Variants in CATSPERD observed in about 807,000 individuals in gnomAD.
The protein encoded by CATSPERD is cation channel sperm-associated auxiliary subunit delta.
CATSPERD carries 86 observed loss-of-function variants against 98.1 expected under a neutral mutation model. That is an observed-to-expected ratio of 0.88 (90% confidence interval 0.74 to 1.05). The LOEUF is 1.05. Ranked by LOEUF, CATSPERD falls within the 50% of genes least tolerant of loss-of-function variation. The pLI, the probability that CATSPERD is intolerant of heterozygous loss-of-function variation, is 0.00. For missense variants in CATSPERD, 995 were observed against 1,005.7 expected (o/e 0.99, Z 0.14); for synonymous variants, 394 against 390.2 (o/e 1.01, Z -0.12).
In CATSPERD at chr19:5,746,033, G is replaced by A. The variant is rs373521530; in HGVS notation, c.778G>A (p.Glu260Lys). The A allele has an allele frequency of 1.2e-6, 2 of 1,614,136 alleles. No homozygotes were observed. Among genetic ancestry groups the A allele is most frequent in the Non-Finnish European group, 1.7e-6 (2 of 1,180,028 alleles). The part of the protein sequence containing the change: ...GQRGILLLWF[E>K]NSLLFSHNAG... ...GAGAGGCATCCTGCTCCTATGGTTT[G>A]AGAACAGCCTGTTGTTTTCCCATAA... is the stretch of plus-strand genomic sequence containing the variant. Residue 260 changes from glutamate to lysine, a missense_variant, in exon 9 of 22, where the codon GAG becomes AAG. Transcript: ENST00000381624.
At chr19:5,741,529 C>T (rs555521624) in intron 7 of CATSPERD, among the ~76,000 whole-genome samples, 4 of 152,044 alleles carry the variant, frequency 2.6e-5, no homozygotes, top group South Asian at 4.2e-4. Context: ...CTCTCTTCAA[C>T]GTAGAGCTCT....
chr19:5,744,610 A>T lies in CATSPERD; in HGVS notation c.657+100A>T, dbSNP rs531924457. ...TTTTAAACATTTATTTATTTATTTA[A>T]TTTTTTTTTAGACAGAGTCTCGCTC... On this transcript the variant is annotated intron_variant, in intron 8 of 21. Coordinates refer to ENST00000381624, the MANE Select transcript of CATSPERD (RefSeq NM_152784.4). The T allele has an allele frequency of 2.8e-5, 22 of 778,234 alleles. No homozygotes were observed. The East Asian group carries it at 4.9e-4, about 17-fold the overall frequency. The allele number at this position is 778,234 out of a possible 1,614,324, so 48.2% of individuals were successfully genotyped here.
chr19:5,774,991 T>C (rs904046659), intron 20 of CATSPERD, among the ~76,000 whole-genome samples: 23 of 152,084 alleles, frequency 1.5e-4, no homozygotes, highest in African/African-American at 5.3e-4. Context: ...CACTCCAGCC[T>C]GGGGGACAGC....
chr19:5,769,876 G>A (rs1355914913), intron 18 of CATSPERD, among the ~76,000 whole-genome samples: 1 of 151,922 alleles, frequency 6.6e-6, no homozygotes, highest in Non-Finnish European at 1.5e-5. Context: ...ATCACTTGAG[G>A]TCAGGAGTTT....
chr19:5,741,791 G>C (rs1247234536), intron 7 of CATSPERD, among the ~76,000 whole-genome samples: 1 of 96,606 alleles, frequency 1.0e-5, no homozygotes, highest in South Asian at 4.2e-4. Context: ...AAGGCGGGGG[G>C]GGGGGGGTGG....
chr19:5,720,916 T>G, intron 1 of CATSPERD, 108 bp downstream of exon 1: 1 of 870,040 alleles, frequency 1.1e-6, no homozygotes. Context: ...GCTCCCCTTT[T>G]ACTCTTTTTA....
chr19:5,776,262 C>A lies in CATSPERD; in HGVS notation c.2043C>A (p.Phe681Leu). The part of the protein sequence containing the change: ...LGGRTANQII[F>L]GHNGFYVFYI... The stretch of plus-strand genomic sequence containing the variant: ...GCCGGACAGCAAACCAGATCATTTT[C>A]GGCCACAATGGCTTTTATGTCTTCT... The change falls in exon 21 of 22, where the codon TTC (phenylalanine) becomes TTA (leucine). Residue 681 changes from phenylalanine to leucine, a missense_variant. Coordinates refer to ENST00000381624, the MANE Select transcript of CATSPERD (RefSeq NM_152784.4). 1 of 1,614,194 alleles carries A rather than the reference C, an allele frequency of 6.2e-7. No individual in the cohort carries two copies. The highest frequency in any genetic ancestry group is 8.5e-7 in the Non-Finnish European group (1 of 1,180,024).
At chr19:5,724,949 C>G in intron 2 of CATSPERD, 87 bp downstream of exon 2, 1 of 1,233,116 alleles carries the variant, frequency 8.1e-7, no homozygotes, top group Non-Finnish European at 1.2e-6. Context: ...CTTGGGTGCC[C>G]GTGTTGTCAA....
Position 5,739,394 on chromosome 19 carries a change from A to G in CATSPERD, c.528A>G (p.Ser176=), listed in dbSNP as rs936210002. The change falls in exon 7 of 22, where the codon TCA becomes TCG. Residue 176 remains serine (S), a synonymous_variant. Transcript: ENST00000381624. ...DQISQTYIYY[S]NTGGFSFWKY... ...TATCCCAGACTTATATATATTATTCAAATACTGGGGGATTCAGTTTTTGGA... is the reference window on the plus strand; with the variant it reads ...TATCCCAGACTTATATATATTATTCGAATACTGGGGGATTCAGTTTTTGGA... 15 of 1,583,858 alleles carry G rather than the reference A, an allele frequency of 9.5e-6. No individual in the cohort carries two copies. Among genetic ancestry groups the G allele is most frequent in the Non-Finnish European group, 3.4e-6 (4 of 1,169,680 alleles).
At chr19:5,734,727 A>C (rs867888631) in intron 5 of CATSPERD, among the ~76,000 whole-genome samples, 4 of 151,690 alleles carry the variant, frequency 2.6e-5, no homozygotes, top group Middle Eastern at 3.2e-3. Context: ...CCTTGAGCCC[A>C]GGAAGTGGAG....
At chr19:5,748,086 G>A in intron 9 of CATSPERD, 74 bp from the exon 10 acceptor site, 3 of 1,245,376 alleles carry the variant, frequency 2.4e-6, no homozygotes, top group South Asian at 1.2e-5. Context: ...AGGGGTGGCT[G>A]TGGTCCCAGT....
At chr19:5,724,252 G>A (rs2055559689) in intron 1 of CATSPERD, among the ~76,000 whole-genome samples, 1 of 151,220 alleles carries the variant, frequency 6.6e-6, no homozygotes, top group Non-Finnish European at 1.5e-5. Context: ...CAGTAGAGAT[G>A]GGGTTTCACC....
In CATSPERD at chr19:5,741,795, GGGGTGGT is replaced by G. The variant is rs1178049568; in HGVS notation, c.573+2358_573+2364del. On this transcript the variant is annotated intron_variant, in intron 7 of 21. Transcript: ENST00000381624. ...TTGGGATGCTGAAGGCGGGGGGGGG[GGGGTGGT>G]GTGGATCACTTGAGGTCAGGAGTTC... Among the ~76,000 whole-genome samples, 9 of 90,390 alleles carry G rather than the reference GGGGTGGT, an allele frequency of 1.0e-4. 1 individual carries two copies. The highest frequency in any genetic ancestry group is 3.3e-4 in the African/African-American group (8 of 24,230). The allele number at this position is 90,390 out of a possible 152,430, so 59.3% of individuals were successfully genotyped here.
chr19:5,756,533 C>T (rs2056327017), intron 13 of CATSPERD, among the ~76,000 whole-genome samples: 1 of 152,082 alleles, frequency 6.6e-6, no homozygotes, highest in Non-Finnish European at 1.5e-5. Context: ...ATGTCAACAT[C>T]GTGATCCAAG....
At chr19:5,775,480 A>G (rs867623653) in intron 20 of CATSPERD, among the ~76,000 whole-genome samples, 2 of 122,736 alleles carry the variant, frequency 1.6e-5, no homozygotes, top group Non-Finnish European at 3.2e-5. Flanking sequence ...TACTAAAAAT[A>G]CAAAAAAAAA....
chr19:5,722,546 A>G (rs1299488358), intron 1 of CATSPERD, among the ~76,000 whole-genome samples: 1 of 152,218 alleles, frequency 6.6e-6, no homozygotes, highest in Non-Finnish European at 1.5e-5. Context: ...ATTTGTCTCG[A>G]GTTCTGAAAA....
At chr19:5,735,594 T>G (rs1332153783) in intron 5 of CATSPERD, among the ~76,000 whole-genome samples, 1 of 151,808 alleles carries the variant, frequency 6.6e-6, no homozygotes, top group Non-Finnish European at 1.5e-5. Flanking sequence ...TGCCTCAGCC[T>G]CCCGAGTAGC....
intron 3 of CATSPERD, 101 bp from the exon 4 acceptor site, chr19:5,729,771 C>T (rs868158342): frequency 3.0e-6 from 2 of 671,148 alleles, no homozygotes; most frequent in African/African-American, 3.7e-5. Context: ...GGTTACAATA[C>T]AAATTTTGTT....
intron 7 of CATSPERD, among the ~76,000 whole-genome samples, chr19:5,743,644 CTCTG>C (rs1482195027): frequency 8.7e-5 from 10 of 114,994 alleles, no homozygotes; most frequent in Admixed American, 7.0e-4. Context: ...GTCTCTCTGT[CTCTG>C]TCTCTCTCTC....
Sources: gnomAD v4.1 joint callset for allele counts (sites outside exome capture counted in the v4.1 genomes callset) on GRCh38, gnomAD v4.1.1 for gene constraint, MANE v1.5 for transcripts, NCBI Gene and HGNC (gene_info 2026-07-23, HGNC 2026-07-21) for gene names.